SLC5A4: variants seen among roughly 807,000 people sequenced by gnomAD.
SLC5A4 encodes probable glucose sensor protein SLC5A4.
A neutral mutation model predicts 70.3 loss-of-function variants in SLC5A4; 55 were observed. That is an observed-to-expected ratio of 0.78 (90% CI 0.63 to 0.98). The LOEUF (loss-of-function observed/expected upper bound fraction) is 0.98, where lower values mean the gene tolerates loss of function less well. Among genes scored for constraint, SLC5A4 ranks in the 50% least tolerant of loss-of-function variants. The probability of loss-of-function intolerance (pLI) is 0.00; values close to 1 mark genes in which losing one functional copy is unlikely to be tolerated. For missense variants in SLC5A4, 735 were observed against 839.2 expected, an observed-to-expected ratio of 0.88 and a Z score of 1.53; for synonymous variants, 268 against 305.7, an observed-to-expected ratio of 0.88 and a Z score of 1.29.
At chr22:32,256,883 G>A (rs965469388), upstream of SLC5A4, among the ~76,000 whole-genome samples, 2 of 152,196 alleles carry the variant, frequency 1.3e-5, no homozygotes, top group African/African-American at 4.8e-5. Flanking sequence ...GAACACTGGT[G>A]TGCAAGGATC....
chr22:32,278,394 T>G, the SLC5A4 span, among the ~76,000 whole-genome samples: 1 of 152,242 alleles, frequency 6.6e-6, no homozygotes, highest in Non-Finnish European at 1.5e-5. Context: ...CTCATAAAGA[T>G]GTAAGCAAGG....
At chr22:32,283,107 C>A in the SLC5A4 span, among the ~76,000 whole-genome samples, 3 of 152,232 alleles carry the variant, frequency 2.0e-5, no homozygotes, top group Non-Finnish European at 4.4e-5. Flanking sequence ...CTCCCTGCAC[C>A]TTCTCTAACA....
chr22:32,301,780 A>T, the SLC5A4 span, among the ~76,000 whole-genome samples: 1 of 152,176 alleles, frequency 6.6e-6, no homozygotes, highest in African/African-American at 2.4e-5. Flanking sequence ...AGCTATGCTA[A>T]TAAAGAGAAT....
the SLC5A4 span, among the ~76,000 whole-genome samples, chr22:32,325,641 G>A: frequency 1.2e-4 from 19 of 152,328 alleles, no homozygotes; most frequent in African/African-American, 4.1e-4. Context: ...TTCTCAAACC[G>A]GCAAGATTAG....
At chr22:32,248,677 G>T (rs1231160278) in intron 4 of SLC5A4, 66 bp downstream of exon 4, 3 of 1,087,844 alleles carry the variant, frequency 2.8e-6, no homozygotes, top group East Asian at 4.7e-5. Flanking sequence ...CTCAGTGATT[G>T]ATCTTCTGTG....
the SLC5A4 span, among the ~76,000 whole-genome samples, chr22:32,349,174 C>T: frequency 2.0e-5 from 3 of 152,036 alleles, no homozygotes; most frequent in Admixed American, 1.3e-4. Flanking sequence ...AGGGTTTCAC[C>T]ATTTTAGCCA....
At position 32,218,519 on chromosome 22, in the gene SLC5A4, C is replaced by T; in HGVS notation, c.1975G>A (p.Ala659Thr). The T allele has an allele frequency of 2.5e-6, 4 of 1,599,138 alleles. No individual in the cohort carries two copies. Among genetic ancestry groups the T allele is most frequent in the Non-Finnish European group, 3.4e-6 (4 of 1,170,356 alleles). The change falls in exon 15 of 15, where the codon GCC becomes ACC. Residue 659 changes from alanine (A) to threonine (T), a missense_variant. Physicochemically the swap from Ala to Thr is moderately conservative, Grantham distance 58. Coordinates refer to ENST00000266086, the MANE Select transcript of SLC5A4 (RefSeq NM_014227.3). ...AVVVFIHGYYA is the reference protein window; with the variant it reads ...AVVVFIHGYYT ...TCTAATGGCTCAGATAGAGTTCAGG[C>T]ATAGTAGCCGTGAATAAAGACCACC...
the SLC5A4 span, among the ~76,000 whole-genome samples, chr22:32,353,610 C>T: frequency 6.6e-6 from 1 of 152,122 alleles, no homozygotes; most frequent in East Asian, 1.9e-4. Context: ...ACCCCTAACC[C>T]GCCGCCGGCA....
the SLC5A4 span, among the ~76,000 whole-genome samples, chr22:32,262,759 C>A: frequency 6.6e-6 from 1 of 151,914 alleles, no homozygotes; most frequent in Non-Finnish European, 1.5e-5. Flanking sequence ...TACATCACTA[C>A]ATTTTTATTT....
intron 2 of SLC5A4, among the ~76,000 whole-genome samples, chr22:32,253,031 TG>T (rs975201515): frequency 1.3e-5 from 2 of 152,222 alleles, no homozygotes; most frequent in African/African-American, 4.8e-5. Context: ...CCTCCTTGCA[TG>T]TTTCACTAAA....
the SLC5A4 span, among the ~76,000 whole-genome samples, chr22:32,324,592 C>A: frequency 6.6e-6 from 1 of 152,206 alleles, no homozygotes; most frequent in Non-Finnish European, 1.5e-5. Context: ...TTCAGCGCAG[C>A]TTGTCTGACT....
chr22:32,321,723 G>C, the SLC5A4 span, among the ~76,000 whole-genome samples: 6 of 152,242 alleles, frequency 3.9e-5, no homozygotes, highest in South Asian at 2.1e-4. Flanking sequence ...GTGGTATTGG[G>C]TTTTCTGTTC....
chr22:32,262,831 G>A, the SLC5A4 span, among the ~76,000 whole-genome samples: 8 of 150,170 alleles, frequency 5.3e-5, no homozygotes, highest in East Asian at 8.0e-4. Context: ...GTGCAGTGGC[G>A]TGATCTCGGC....
the SLC5A4 span, among the ~76,000 whole-genome samples, chr22:32,353,819 G>A: frequency 1.3e-5 from 2 of 150,748 alleles, no homozygotes; most frequent in Non-Finnish European, 3.0e-5. Context: ...GCCACGAATA[G>A]TGCCCCCAAC....
the SLC5A4 span, chr22:32,277,252 G>A: frequency 6.6e-6 from 1 of 152,308 alleles, no homozygotes; most frequent in East Asian, 1.9e-4. Context: ...ACAGAAGTTA[G>A]TACATATTTC....
At chr22:32,241,564 G>C (rs1027091478) in intron 5 of SLC5A4, among the ~76,000 whole-genome samples, 1 of 152,126 alleles carries the variant, frequency 6.6e-6, no homozygotes, top group African/African-American at 2.4e-5. Context: ...TTTTGTTTCA[G>C]CCGGGCACAG....
At chr22:32,288,170 A>G in the SLC5A4 span, among the ~76,000 whole-genome samples, 1 of 152,102 alleles carries the variant, frequency 6.6e-6, no homozygotes, top group African/African-American at 2.4e-5. Flanking sequence ...CTCAATTTCA[A>G]GCTGGATTTG....
At chr22:32,342,963 G>C in the SLC5A4 span, 2 of 152,160 alleles carry the variant, frequency 1.3e-5, no homozygotes, top group Admixed American at 1.3e-4. Context: ...GTACAGTTGA[G>C]TATTTAATCA....
the SLC5A4 span, among the ~76,000 whole-genome samples, chr22:32,261,800 T>C: frequency 1.3e-5 from 2 of 152,204 alleles, no homozygotes; most frequent in South Asian, 4.1e-4. Context: ...CCATTAACCA[T>C]CCTCACCTCC....
Sources: allele counts gnomAD v4.1 joint callset (sites outside exome capture counted in the v4.1 genomes callset), GRCh38; gene constraint gnomAD v4.1.1; transcripts MANE v1.5; gene names NCBI Gene and HGNC (gene_info 2026-07-23, HGNC 2026-07-21).